EFCAB13: variants seen among roughly 807,000 people sequenced by gnomAD.
EFCAB13 encodes EF-hand calcium binding domain 13.
In EFCAB13, 91 loss-of-function variants were observed where a neutral mutation model predicts 110.2. That is an observed-to-expected ratio of 0.83 (90% CI 0.70 to 0.98). The LOEUF is 0.98. EFCAB13 is among the 50% of genes least tolerant of loss of function. The pLI is 0.00. For missense variants in EFCAB13, 968 were observed against 1,119.4 expected, an observed-to-expected ratio of 0.86 and a Z score of 1.93; for synonymous variants, 323 against 369.9, an observed-to-expected ratio of 0.87 and a Z score of 1.45.
intron 9 of EFCAB13, among the ~76,000 whole-genome samples, chr17:47,351,469 C>T (rs1249786030): frequency 6.6e-6 from 1 of 152,052 alleles, no homozygotes; most frequent in Non-Finnish European, 1.5e-5. Flanking sequence ...GGCATATATA[C>T]CTAGTAGTGG....
At chr17:47,390,633 A>C (rs1326087245) in intron 14 of EFCAB13, among the ~76,000 whole-genome samples, 1 of 152,214 alleles carries the variant, frequency 6.6e-6, no homozygotes, top group East Asian at 1.9e-4. Context: ...ATGTATATTT[A>C]GAAAGATAAA....
At chr17:47,359,692 G>A (rs2065500403) in intron 9 of EFCAB13, among the ~76,000 whole-genome samples, 1 of 149,358 alleles carries the variant, frequency 6.7e-6, no homozygotes, top group East Asian at 2.0e-4. Flanking sequence ...AGTTACATAT[G>A]TATACATGTG....
At position 47,347,875 on chromosome 17, in the gene EFCAB13, A is replaced by G. The variant is rs1244702391; in HGVS notation, c.585A>G (p.Pro195=). 2 of 1,552,892 alleles carry G rather than the reference A, an allele frequency of 1.3e-6. No homozygotes were observed. The highest frequency in any genetic ancestry group is 1.3e-5 in the African/African-American group (1 of 74,236). ...RSGKIYVNDL[P]VILCILRISI... ...GTAAGATTTATGTGAATGATCTTCC[A>G]GTGATCCTTTGCATCTTGAGAATTT... Residue 195 remains proline, a synonymous_variant, in exon 9 of 25, where the codon CCA becomes CCG. Coordinates refer to ENST00000331493, the MANE Select transcript of EFCAB13 (RefSeq NM_152347.5).
chr17:47,414,986 T>G, intron 23 of EFCAB13, 67 bp downstream of exon 23: 1 of 1,187,628 alleles, frequency 8.4e-7, no homozygotes, highest in Non-Finnish European at 1.2e-6. Context: ...CATTTAAAAA[T>G]GAAAGGTCCA....
intron 14 of EFCAB13, among the ~76,000 whole-genome samples, chr17:47,384,840 G>A (rs965797535): frequency 1.3e-5 from 2 of 151,598 alleles, no homozygotes; most frequent in Admixed American, 6.6e-5. Flanking sequence ...GCACATCTCC[G>A]CTCACTGCAA....
chr17:47,361,465 G>A lies in EFCAB13; in HGVS notation c.749G>A (p.Gly250Asp). The change falls in exon 10 of 25, where the codon GGT becomes GAT. Residue 250 changes from glycine (G) to aspartate (D), a missense_variant. Coordinates refer to ENST00000331493, the MANE Select transcript of EFCAB13 (RefSeq NM_152347.5). ...GTGTTTGCTGTTTTGGATAGCATGG[G>A]TATCCCTATAAACCGTGAAATTTTA... ...DDVFAVLDSM[G>D]IPINREILEE... is the part of the protein sequence containing the mutation. The A allele has an allele frequency of 2.5e-6, 4 of 1,613,072 alleles. No homozygotes were observed. The highest frequency in any genetic ancestry group is 2.2e-5 in the East Asian group (1 of 44,808).
Position 47,342,139 on chromosome 17 carries a change from A to G in EFCAB13, c.303+107A>G, listed in dbSNP as rs890885063. 5 of 632,470 alleles carry G rather than the reference A, an allele frequency of 7.9e-6. No homozygotes were observed. In the African/African-American group the frequency reaches 9.8e-5, roughly 12 times the overall value. 39.2% of individuals were successfully genotyped at this position (632,470 alleles called of 1,614,324 possible). ...AAGTGTTGAAATGTCACAGTCTTAA[A>G]TATCACTACCTGGTCTTGCTTCTCC... is the stretch of plus-strand genomic sequence containing the variant. On this transcript the variant is annotated intron_variant, in intron 6 of 24. Transcript: ENST00000331493.
At chr17:47,332,702 A>G (rs1765727942) in intron 4 of EFCAB13, among the ~76,000 whole-genome samples, 1 of 152,188 alleles carries the variant, frequency 6.6e-6, no homozygotes, top group Non-Finnish European at 1.5e-5. Flanking sequence ...TTTACTTAGC[A>G]TAGTGTCTTC....
chr17:47,422,775 GT>G (rs1904767431), intron 23 of EFCAB13, among the ~76,000 whole-genome samples: 1 of 152,130 alleles, frequency 6.6e-6, no homozygotes, highest in Admixed American at 6.5e-5. Context: ...GATATATTAT[GT>G]TTTGTAGTTT....
At chr17:47,339,131 TA>T (rs2065369080) in intron 5 of EFCAB13, among the ~76,000 whole-genome samples, 2 of 152,210 alleles carry the variant, frequency 1.3e-5, no homozygotes, top group Non-Finnish European at 2.9e-5. Context: ...GTTGTAGATA[TA>T]ATCTAGTTAG....
intron 24 of EFCAB13, among the ~76,000 whole-genome samples, chr17:47,439,445 G>A (rs1905275200): frequency 6.6e-6 from 1 of 152,012 alleles, no homozygotes; most frequent in African/African-American, 2.4e-5. Flanking sequence ...CCAAAGTGCT[G>A]AGATTACAGG....
At chr17:47,429,743 G>A (rs1905071131) in intron 23 of EFCAB13, 75 bp from the exon 24 acceptor site, 1 of 1,445,954 alleles carries the variant, frequency 6.9e-7, no homozygotes, top group Non-Finnish European at 9.2e-7. Context: ...TGCAACCTGA[G>A]GCTATTAAGT....
intron 14 of EFCAB13, among the ~76,000 whole-genome samples, chr17:47,388,915 ATT>A (rs111951092): frequency 3.4e-5 from 5 of 148,486 alleles, no homozygotes; most frequent in Admixed American, 2.7e-4. Flanking sequence ...TCAACACTTG[ATT>A]TTTTTTTTTA....
intron 17 of EFCAB13, among the ~76,000 whole-genome samples, chr17:47,398,234 A>G (rs1371304822): frequency 1.7e-5 from 2 of 118,434 alleles, no homozygotes; most frequent in African/African-American, 3.3e-5. Flanking sequence ...TCCGGGAGGG[A>G]GGTGGGGGGG....
chr17:47,439,184 T>G lies in EFCAB13; in HGVS notation c.2639-1247T>G, dbSNP rs866272734. 4.6e-4 allele frequency among the ~76,000 whole-genome samples: 59 copies of G among 128,676 alleles called. No individual in the cohort carries two copies. In the South Asian group the frequency reaches 5.8e-3, roughly 13 times the overall value. 84.4% of individuals were successfully genotyped at this position (128,676 alleles called of 152,430 possible). Reference sequence around the variant, plus strand: ...CCTCTTTGTTTTGTTTTTTTTTTTTTTTTTTTTTTTTAGACAGATTCTTGC... The same window carrying G: ...CCTCTTTGTTTTGTTTTTTTTTTTTGTTTTTTTTTTTAGACAGATTCTTGC... On this transcript the variant is annotated intron_variant, in intron 24 of 24. Coordinates refer to ENST00000331493, the MANE Select transcript of EFCAB13 (RefSeq NM_152347.5).
At chr17:47,429,250 C>T (rs1471301137) in intron 23 of EFCAB13, among the ~76,000 whole-genome samples, 1 of 152,088 alleles carries the variant, frequency 6.6e-6, no homozygotes, top group African/African-American at 2.4e-5. Context: ...GGTTATTCAT[C>T]AGTTTAATCA....
chr17:47,397,711 C>A (rs1195768069), intron 17 of EFCAB13, among the ~76,000 whole-genome samples: 44 of 151,666 alleles, frequency 2.9e-4, no homozygotes, highest in African/African-American at 1.1e-3. Context: ...GCGACCCCAT[C>A]TGGGAGGTGA....
intron 8 of EFCAB13, among the ~76,000 whole-genome samples, chr17:47,346,433 A>ACC (rs60932759): frequency 0.38 from 35,263 of 93,428 alleles, 8,054 homozygotes; most frequent in Non-Finnish European, 0.43. Flanking sequence ...AACGTACTTT[A>ACC]CCCCCCCCCC....
chr17:47,336,993 G>T (rs2065355103), intron 5 of EFCAB13, among the ~76,000 whole-genome samples: 1 of 152,192 alleles, frequency 6.6e-6, no homozygotes, highest in South Asian at 2.1e-4. Context: ...TACACATTGT[G>T]ATTGGAGAGG....
Sources: allele counts gnomAD v4.1 joint callset (sites outside exome capture counted in the v4.1 genomes callset), GRCh38; gene constraint gnomAD v4.1.1; transcripts MANE v1.5; gene names NCBI Gene and HGNC (gene_info 2026-07-23, HGNC 2026-07-21).